DACH1: variants seen among roughly 807,000 people sequenced by gnomAD.
DACH1 encodes the protein dachshund family transcription factor 1.
In DACH1, 12 loss-of-function variants were observed where a neutral mutation model predicts 54.2. The observed-to-expected ratio is 0.22, with a 90% confidence interval of 0.14 to 0.36. The LOEUF (loss-of-function observed/expected upper bound fraction) is 0.36, where lower values mean the gene tolerates loss of function less well. Among genes scored for constraint, DACH1 ranks in the 10% least tolerant of loss-of-function variants. DACH1 has a pLI of 1.00. For synonymous variants in DACH1, 386 were observed against 366.2 expected (o/e 1.05, Z -0.62); for missense variants, 805 against 929.8 (o/e 0.87, Z 1.75).
At position 71,439,101 on chromosome 13, in the gene DACH1, ATATT is replaced by A. The variant is rs1873773899; in HGVS notation, c.*1550_*1553del. On this transcript the variant is annotated 3_prime_UTR_variant, in exon 11 of 11. Transcript: ENST00000613252. The stretch of plus-strand genomic sequence containing the variant: ...AAGTAATTAATACCCAATCAGAACT[ATATT>A]TAAACATTTTAAGCTAGTTTTCTTA... The A allele has an allele frequency of 1.3e-5, 2 of 152,414 alleles. No homozygotes were observed. The highest frequency in any genetic ancestry group is 2.4e-5 in the African/African-American group (1 of 41,426). 9.4% of individuals were successfully genotyped at this position (152,414 alleles called of 1,614,324 possible).
At chr13:71,706,244 A>T (rs958716477) in intron 1 of DACH1, among the ~76,000 whole-genome samples, 1 of 151,672 alleles carries the variant, frequency 6.6e-6, no homozygotes, top group African/African-American at 2.4e-5. Flanking sequence ...GGATAAAAAC[A>T]TATTATTAAT....
intron 1 of DACH1, among the ~76,000 whole-genome samples, chr13:71,771,681 G>T (rs1465561247): frequency 6.6e-5 from 10 of 151,454 alleles, no homozygotes; most frequent in Admixed American, 5.9e-4. Context: ...TATAGTGTTG[G>T]TAAATGTTAA....
intron 1 of DACH1, among the ~76,000 whole-genome samples, chr13:71,821,660 C>T (rs1888193450): frequency 6.6e-6 from 1 of 151,884 alleles, no homozygotes; most frequent in Admixed American, 6.6e-5. Context: ...TAAGTTAAAA[C>T]AATATACAAT....
intron 3 of DACH1, among the ~76,000 whole-genome samples, chr13:71,583,788 C>T (rs187821267): frequency 6.6e-6 from 1 of 152,208 alleles, no homozygotes; most frequent in East Asian, 1.9e-4. Flanking sequence ...TGAGCCATGA[C>T]CATGCCGCTG....
chr13:71,569,814 A>G (rs1885095621), intron 4 of DACH1, among the ~76,000 whole-genome samples: 1 of 152,212 alleles, frequency 6.6e-6, no homozygotes, highest in Admixed American at 6.5e-5. Flanking sequence ...TCCAGCATTT[A>G]GAACATCTCT....
chr13:71,623,761 TAGTTA>T (rs1461296545), intron 3 of DACH1, among the ~76,000 whole-genome samples: 6 of 151,858 alleles, frequency 4.0e-5, no homozygotes, highest in African/African-American at 9.7e-5. Flanking sequence ...CTTATCTAAG[TAGTTA>T]AGTTATTTAT....
intron 1 of DACH1, among the ~76,000 whole-genome samples, chr13:71,689,696 C>T (rs1328503989): frequency 1.3e-5 from 2 of 152,062 alleles, no homozygotes; most frequent in Non-Finnish European, 2.9e-5. Context: ...CTACTACATA[C>T]TGAATAAGGA....
At chr13:71,553,802 T>C (rs533803233) in intron 6 of DACH1, among the ~76,000 whole-genome samples, 138 of 151,608 alleles carry the variant, frequency 9.1e-4, no homozygotes, top group African/African-American at 3.2e-3. Flanking sequence ...ACTTAATTTT[T>C]TGGGCTAATA....
chr13:71,441,896 T>C (rs1268128972), intron 10 of DACH1, among the ~76,000 whole-genome samples: 3 of 152,052 alleles, frequency 2.0e-5, no homozygotes, highest in African/African-American at 7.2e-5. Context: ...TTTTAAAAAA[T>C]GTTTTTAATT....
chr13:71,604,096 C>T (rs779372292), intron 3 of DACH1, among the ~76,000 whole-genome samples: 1 of 151,766 alleles, frequency 6.6e-6, no homozygotes, highest in African/African-American at 2.4e-5. Flanking sequence ...CAAAACTCTA[C>T]AAATAAAGTT....
Position 71,573,469 on chromosome 13 carries a change from G to A in DACH1, c.1127-457C>T, listed in dbSNP as rs1406059123. The A allele has an allele frequency of 4.2e-6, 3 of 716,298 alleles. No homozygotes were observed. In the Admixed American group the frequency reaches 6.0e-5, roughly 14 times the overall value. The allele number at this position is 716,298 out of a possible 1,614,324, so 44.4% of individuals were successfully genotyped here. Reference sequence around the variant, plus strand: ...AGATGGTTGAGAGGATGACTAAGTGGAAGGCTACGTGCTCCAGGCATGCGG... The same window carrying A: ...AGATGGTTGAGAGGATGACTAAGTGAAAGGCTACGTGCTCCAGGCATGCGG... On this transcript the variant is annotated intron_variant, in intron 3 of 10. Transcript: ENST00000613252.
chr13:71,464,481 A>T (rs1360182272), intron 10 of DACH1: 1 of 331,860 alleles, frequency 3.0e-6, no homozygotes, highest in Non-Finnish European at 5.8e-6. Context: ...TATTTTAATG[A>T]AGATGAGAAG....
intron 1 of DACH1, among the ~76,000 whole-genome samples, chr13:71,784,947 T>G (rs1375110042): frequency 6.6e-6 from 1 of 152,166 alleles, no homozygotes; most frequent in South Asian, 2.1e-4. Context: ...TAAATAGTAA[T>G]GATCACTAGA....
In DACH1 at chr13:71,475,724, T is replaced by A. The variant is rs1424176295; in HGVS notation, c.1996A>T (p.Ser666Cys). ...CTCTTACCATTTAAGACCCTGAGAC[T>A]ATCTGTTGAAGCTGCCTGTTTTAGC... is the stretch of plus-strand genomic sequence containing the variant. ...QTLKQAASTD[S>C]LRVLNDSLTP... The change falls in exon 9 of 11, where the codon AGT becomes TGT. Residue 666 changes from serine to cysteine, a missense_variant. By Grantham distance (112) the Ser-to-Cys change is moderately radical. This residue lies in a region of DACH1 where 472 missense variants were observed against 545.3 expected (regional missense o/e 0.87). Transcript: ENST00000613252. The A allele has an allele frequency of 3.1e-6, 5 of 1,612,988 alleles. No homozygotes were observed. The Admixed American group carries it at 8.4e-5, about 27-fold the overall frequency.
At chr13:71,708,935 C>G (rs1165272196) in intron 1 of DACH1, among the ~76,000 whole-genome samples, 1 of 147,698 alleles carries the variant, frequency 6.8e-6, no homozygotes, top group Admixed American at 6.9e-5. Flanking sequence ...TCACTGCAAG[C>G]TCAGCCTCCC....
chr13:71,809,992 G>A (rs1372196917), intron 1 of DACH1, among the ~76,000 whole-genome samples: 1 of 152,168 alleles, frequency 6.6e-6, no homozygotes, highest in Non-Finnish European at 1.5e-5. Flanking sequence ...AATGCTGTGT[G>A]TGTGTATGCT....
At chr13:71,817,809 T>C (rs1454321532) in intron 1 of DACH1, among the ~76,000 whole-genome samples, 97 of 135,734 alleles carry the variant, frequency 7.1e-4, no homozygotes, top group African/African-American at 2.0e-3. Flanking sequence ...TTTCTTTCTT[T>C]CTTCCTTTTT....
At position 71,637,909 on chromosome 13, in the gene DACH1, G is replaced by T. The variant is rs1035511270; in HGVS notation, c.965-7192C>A. Reference sequence around the variant, plus strand: ...AATTCTTTCTCTGATCTGTTTGTTTGCTCATTAACTTGAAAGGCCCAATCT... The same window carrying T: ...AATTCTTTCTCTGATCTGTTTGTTTTCTCATTAACTTGAAAGGCCCAATCT... On this transcript the variant is annotated intron_variant, in intron 2 of 10. Transcript: ENST00000613252. Among the ~76,000 whole-genome samples the T allele has an allele frequency of 1.4e-4, 21 of 152,146 alleles. No individual in the cohort carries two copies. The East Asian group carries it at 2.7e-3, about 20-fold the overall frequency.
At chr13:71,514,017 T>C (rs563968717) in intron 6 of DACH1, among the ~76,000 whole-genome samples, 1 of 152,192 alleles carries the variant, frequency 6.6e-6, no homozygotes, top group East Asian at 1.9e-4. Context: ...TGAAAATGGT[T>C]TAGCCATATA....
Sources: allele counts gnomAD v4.1 joint callset (sites outside exome capture counted in the v4.1 genomes callset), GRCh38; gene constraint gnomAD v4.1.1; regional missense constraint gnomAD v4.1.1; transcripts MANE v1.5; gene names NCBI Gene and HGNC (gene_info 2026-07-23, HGNC 2026-07-21).